The following SH3GL2 variants were observed in gnomAD, a reference collection of about 807,000 sequenced individuals.
SH3GL2 encodes endophilin-A1.
A neutral mutation model predicts 46.0 loss-of-function variants in SH3GL2; 24 were observed. The observed-to-expected ratio is 0.52, with a 90% CI of 0.38 to 0.73. SH3GL2 has a LOEUF of 0.73. SH3GL2 is among the 30% of genes least tolerant of loss of function. The pLI is 0.00. For synonymous variants in SH3GL2, 196 were observed against 147.1 expected, an observed-to-expected ratio of 1.33 and a Z score of -2.40; for missense variants, 413 against 424.2, an observed-to-expected ratio of 0.97 and a Z score of 0.23.
chr9:17,638,426 G>A (rs545342508), intron 1 of SH3GL2, among the ~76,000 whole-genome samples: 1 of 152,292 alleles, frequency 6.6e-6, no homozygotes. Flanking sequence ...CTTACTTACA[G>A]TAGAGAGAGA....
rs538593044 is a variant in SH3GL2, at chr9:17,693,595, G to A, written c.46-53471G>A. ...ATACACACACACATATAAAAAGAAA[G>A]GCTGCCTTTATTCTGCCATTTTATA... On this transcript the variant is annotated intron_variant, in intron 1 of 8. Coordinates refer to ENST00000380607, the MANE Select transcript of SH3GL2 (RefSeq NM_003026.5). 5.3e-5 allele frequency among the ~76,000 whole-genome samples: 8 copies of A among 152,204 alleles called. No homozygotes were observed. In the East Asian group the frequency reaches 1.4e-3, roughly 26 times the overall value.
chr9:17,740,804 T>C (rs1453666527), intron 1 of SH3GL2, among the ~76,000 whole-genome samples: 2 of 152,106 alleles, frequency 1.3e-5, no homozygotes, highest in Admixed American at 6.6e-5. Context: ...TTTTTGACAG[T>C]TGACAAAGTG....
intron 1 of SH3GL2, among the ~76,000 whole-genome samples, chr9:17,697,266 C>T (rs908805887): frequency 6.6e-6 from 1 of 151,630 alleles, no homozygotes; most frequent in African/African-American, 2.4e-5. Flanking sequence ...CTTTTTCACC[C>T]AGGCTGGAGT....
chr9:17,680,514 C>T (rs972134717), intron 1 of SH3GL2, among the ~76,000 whole-genome samples: 3 of 151,920 alleles, frequency 2.0e-5, no homozygotes, highest in South Asian at 4.2e-4. Context: ...TTTGATTCTT[C>T]TCTCTTTTCT....
intron 1 of SH3GL2, among the ~76,000 whole-genome samples, chr9:17,724,461 AT>A (rs1414587597): frequency 1.3e-5 from 2 of 152,082 alleles, no homozygotes; most frequent in African/African-American, 4.8e-5. Flanking sequence ...GCCGAGCCAT[AT>A]CTGCTAATTC....
At chr9:17,739,426 ACTGT>A (rs1822458366) in intron 1 of SH3GL2, among the ~76,000 whole-genome samples, 1 of 152,080 alleles carries the variant, frequency 6.6e-6, no homozygotes, top group Non-Finnish European at 1.5e-5. Flanking sequence ...ATTAGCAGAT[ACTGT>A]CTTTTTATAT....
chr9:17,762,482 C>T (rs1410097343), intron 3 of SH3GL2, among the ~76,000 whole-genome samples: 1 of 151,964 alleles, frequency 6.6e-6, no homozygotes, highest in Non-Finnish European at 1.5e-5. Flanking sequence ...TTTTCTATGC[C>T]CCCTGCTGCT....
At chr9:17,765,929 C>G (rs1823305388) in intron 3 of SH3GL2, among the ~76,000 whole-genome samples, 2 of 152,320 alleles carry the variant, frequency 1.3e-5, no homozygotes, top group South Asian at 2.1e-4. Context: ...CTGTCAGTGT[C>G]TAATGTACTA....
chr9:17,602,807 CT>C (rs1414998871), intron 1 of SH3GL2, among the ~76,000 whole-genome samples: 2 of 152,098 alleles, frequency 1.3e-5, no homozygotes, highest in African/African-American at 4.8e-5. Context: ...GAAACATTCT[CT>C]TTTTAATGTT....
intron 5 of SH3GL2, 65 bp downstream of exon 5, chr9:17,787,578 CT>C: frequency 7.3e-7 from 1 of 1,363,838 alleles, no homozygotes. Flanking sequence ...TGCCTTTTTT[CT>C]TTAGAAAACA....
chr9:17,660,918 T>G (rs1820196591), intron 1 of SH3GL2, among the ~76,000 whole-genome samples: 1 of 152,126 alleles, frequency 6.6e-6, no homozygotes, highest in Non-Finnish European at 1.5e-5. Context: ...TCCCAGCACT[T>G]TGGGAGGCTT....
intron 1 of SH3GL2, among the ~76,000 whole-genome samples, chr9:17,705,178 A>G (rs1821439659): frequency 2.0e-5 from 3 of 152,298 alleles, no homozygotes; most frequent in South Asian, 2.1e-4. Context: ...AATGCAGATC[A>G]AAATGACAAT....
At chr9:17,780,623 C>CAATGCTATCCT (rs1823780046) in intron 3 of SH3GL2, among the ~76,000 whole-genome samples, 5 of 113,472 alleles carry the variant, frequency 4.4e-5, no homozygotes, top group Non-Finnish European at 9.1e-5. Context: ...AATGCTATCC[C>CAATGCTATCCT]TCCCCCCTCC....
chr9:17,583,289 C>T (rs774043788), intron 1 of SH3GL2, among the ~76,000 whole-genome samples: 2 of 152,188 alleles, frequency 1.3e-5, no homozygotes, highest in Admixed American at 1.3e-4. Context: ...CTCTAAAATA[C>T]GTATGTTGAA....
intron 1 of SH3GL2, among the ~76,000 whole-genome samples, chr9:17,730,778 G>A (rs1185142579): frequency 6.9e-6 from 1 of 144,548 alleles, no homozygotes; most frequent in East Asian, 2.0e-4. Context: ...GACGTGAATT[G>A]ATGGTAATTC....
intron 3 of SH3GL2, among the ~76,000 whole-genome samples, chr9:17,778,723 G>C (rs1247995406): frequency 1.3e-5 from 2 of 152,104 alleles, no homozygotes; most frequent in Non-Finnish European, 2.9e-5. Flanking sequence ...GATGGTAGTA[G>C]CTTAGACCAG....
intron 1 of SH3GL2, among the ~76,000 whole-genome samples, chr9:17,716,354 G>A (rs961763263): frequency 1.3e-5 from 2 of 152,058 alleles, no homozygotes; most frequent in African/African-American, 4.8e-5. Flanking sequence ...GAAATTACAT[G>A]GAAACAGTTT....
At chr9:17,606,419 A>G (rs1224597969) in intron 1 of SH3GL2, among the ~76,000 whole-genome samples, 1 of 152,040 alleles carries the variant, frequency 6.6e-6, no homozygotes, top group African/African-American at 2.4e-5. Flanking sequence ...GGCCAATTAA[A>G]CCAGAAGCTT....
chr9:17,633,012 A>G (rs1171907116), intron 1 of SH3GL2, among the ~76,000 whole-genome samples: 1 of 152,198 alleles, frequency 6.6e-6, no homozygotes, highest in African/African-American at 2.4e-5. Context: ...GTATTAATGA[A>G]CTATCACTTG....
Sources: allele counts gnomAD v4.1 joint callset (sites outside exome capture counted in the v4.1 genomes callset), GRCh38; gene constraint gnomAD v4.1.1; transcripts MANE v1.5; gene names NCBI Gene and HGNC (gene_info 2026-07-23, HGNC 2026-07-21).